The following C12orf42 variants were observed in gnomAD, a reference collection of about 807,000 sequenced individuals.
The protein encoded by C12orf42 is chromosome 12 open reading frame 42.
Under a neutral mutation model 21.6 loss-of-function variants are expected in C12orf42, and 25 were observed. That is an observed-to-expected ratio of 1.16 (90% CI 0.84 to 1.62). The LOEUF is 1.62. Among genes scored for constraint, C12orf42 ranks in the 40% most tolerant of loss-of-function variants. The probability of loss-of-function intolerance (pLI) is 0.00; values close to 1 mark genes in which losing one functional copy is unlikely to be tolerated. For missense variants in C12orf42, 483 were observed against 459.3 expected, an observed-to-expected ratio of 1.05 and a Z score of -0.47; for synonymous variants, 174 against 175.0, an observed-to-expected ratio of 0.99 and a Z score of 0.05.
At chr12:103,532,841 C>T in the C12orf42 span, among the ~76,000 whole-genome samples, 1 of 152,170 alleles carries the variant, frequency 6.6e-6, no homozygotes, top group Non-Finnish European at 1.5e-5. Context: ...GTCAGTCTTG[C>T]CAGCCTCCTC....
At chr12:103,285,189 G>A (rs1367392507) in intron 4 of C12orf42, among the ~76,000 whole-genome samples, 4 of 152,224 alleles carry the variant, frequency 2.6e-5, no homozygotes, top group African/African-American at 7.2e-5. Context: ...TATAAGGATT[G>A]CTCTCTATAT....
the C12orf42 span, chr12:103,559,355 G>A: frequency 6.6e-6 from 1 of 152,414 alleles, no homozygotes; most frequent in Admixed American, 6.5e-5. Flanking sequence ...GACGCCACTG[G>A]AGGAGGACAC....
At chr12:103,049,196 T>A in the C12orf42 span, among the ~76,000 whole-genome samples, 3 of 152,190 alleles carry the variant, frequency 2.0e-5, no homozygotes, top group African/African-American at 7.2e-5. Context: ...AGTCAACATG[T>A]CCACAACAAA....
chr12:103,260,401 C>A (rs1300349481), intron 10 of C12orf42, among the ~76,000 whole-genome samples: 2 of 152,090 alleles, frequency 1.3e-5, no homozygotes, highest in Non-Finnish European at 2.9e-5. Context: ...CAAGGCAAGT[C>A]GACTTGCCCA....
intron 4 of C12orf42, among the ~76,000 whole-genome samples, chr12:103,363,756 T>C (rs1387351869): frequency 6.6e-6 from 1 of 152,070 alleles, no homozygotes; most frequent in Non-Finnish European, 1.5e-5. Flanking sequence ...AGACAGACAT[T>C]ATGTAATAAT....
At chr12:103,340,884 C>T (rs763935455) in intron 4 of C12orf42, among the ~76,000 whole-genome samples, 8 of 151,980 alleles carry the variant, frequency 5.3e-5, no homozygotes, top group Admixed American at 6.6e-5. Flanking sequence ...GAGGCCTAGG[C>T]GGGGGGATCA....
chr12:103,086,009 G>A, the C12orf42 span, among the ~76,000 whole-genome samples: 35 of 152,120 alleles, frequency 2.3e-4, no homozygotes, highest in Non-Finnish European at 7.4e-5. Flanking sequence ...TCAGCACACG[G>A]AGCTCCAATA....
At position 103,302,437 on chromosome 12, in the gene C12orf42, C is replaced by T; in HGVS notation, c.754G>A (p.Ala252Thr). The change falls in exon 6 of 6, where the codon GCA becomes ACA. Residue 252 changes from alanine (A) to threonine (T), a missense_variant. By Grantham distance (58) the Ala-to-Thr change is moderately conservative. Coordinates refer to ENST00000548883, the MANE Select transcript of C12orf42 (RefSeq NM_198521.5). ...LEPEERMAVP[A>T]GAQAHPDDIQ... Reference sequence around the variant, plus strand: ...TCGTCGGGGTGTGCCTGAGCGCCTGCTGGGACTGCCATCCTCTCCTCCGGC... The same window carrying T: ...TCGTCGGGGTGTGCCTGAGCGCCTGTTGGGACTGCCATCCTCTCCTCCGGC... 1 of 1,613,850 alleles carries T rather than the reference C, an allele frequency of 6.2e-7. No individual in the cohort carries two copies.
At chr12:103,061,782 A>G in the C12orf42 span, among the ~76,000 whole-genome samples, 83,200 of 151,526 alleles carry the variant, frequency 0.55, 23,220 homozygotes, top group East Asian at 0.77. Context: ...CTTATAAGGC[A>G]CACACAGTTG....
chr12:103,560,276 A>G, the C12orf42 span, among the ~76,000 whole-genome samples: 2 of 20,954 alleles, frequency 9.5e-5, no homozygotes, highest in Admixed American at 1.2e-3. Context: ...AACAGAACCT[A>G]TTACCTTCAG....
intron 10 of C12orf42, among the ~76,000 whole-genome samples, chr12:103,244,380 T>C (rs969052228): frequency 5.3e-5 from 8 of 151,876 alleles, no homozygotes; most frequent in Non-Finnish European, 1.0e-4. Flanking sequence ...CATGCATAGG[T>C]TGGCTCAGGA....
At position 103,306,031 on chromosome 12, in the gene C12orf42, T is replaced by C. The variant is rs754948537; in HGVS notation, c.574A>G (p.Ile192Val). 10 of 1,613,996 alleles carry C rather than the reference T, an allele frequency of 6.2e-6. No individual in the cohort carries two copies. In the Admixed American group the frequency reaches 1.7e-4, roughly 27 times the overall value. The change falls in exon 5 of 6, where the codon ATC (isoleucine) becomes GTC (valine). Residue 192 changes from isoleucine (I) to valine (V), a missense_variant. By Grantham distance (29) the Ile-to-Val change is conservative. Coordinates refer to ENST00000548883, the MANE Select transcript of C12orf42 (RefSeq NM_198521.5). ...PVHLEAQGIH[I>V]SRHTRPKGQP... is the part of the protein sequence containing the mutation. ...CCCTTAGGTCTTGTGTGTCTACTGA[T>C]GTGTATGCCCTGAGCCTCCAGGTGA...
chr12:103,080,895 G>T, the C12orf42 span: 3 of 152,112 alleles, frequency 2.0e-5, no homozygotes, highest in South Asian at 6.2e-4. Flanking sequence ...TTTCAAATAG[G>T]TCAACAATTT....
the C12orf42 span, among the ~76,000 whole-genome samples, chr12:103,143,522 C>T: frequency 6.6e-6 from 1 of 152,222 alleles, no homozygotes; most frequent in Non-Finnish European, 1.5e-5. Context: ...AACTCCTCTA[C>T]TGTGGGTGTC....
the C12orf42 span, among the ~76,000 whole-genome samples, chr12:103,503,130 A>C: frequency 6.6e-6 from 1 of 152,238 alleles, no homozygotes; most frequent in Non-Finnish European, 1.5e-5. Flanking sequence ...GGACAGCTAA[A>C]GGATTCGACA....
In C12orf42 at chr12:103,420,277, T is replaced by C. The variant is rs545149443; in HGVS notation, c.79-18602A>G. Among the ~76,000 whole-genome samples, 4 of 152,332 alleles carry C rather than the reference T, an allele frequency of 2.6e-5. No individual in the cohort carries two copies. The East Asian group carries it at 7.7e-4, about 29-fold the overall frequency. On this transcript the variant is annotated intron_variant, in intron 2 of 5. Coordinates refer to ENST00000548883, the MANE Select transcript of C12orf42 (RefSeq NM_198521.5). ...TGCAGTACCCCTCTAACTGAACCCTTTGTGCTTACAAAAACAACAATAGAA... is the reference window on the plus strand; with the variant it reads ...TGCAGTACCCCTCTAACTGAACCCTCTGTGCTTACAAAAACAACAATAGAA...
intron 3 of C12orf42, among the ~76,000 whole-genome samples, chr12:103,400,895 C>T (rs557488053): frequency 7.2e-4 from 110 of 152,210 alleles, no homozygotes; most frequent in African/African-American, 2.5e-3. Flanking sequence ...CAATTCCCTT[C>T]ATGGTAAATA....
chr12:103,052,190 TTTG>T, the C12orf42 span, among the ~76,000 whole-genome samples: 1 of 152,190 alleles, frequency 6.6e-6, no homozygotes, highest in African/African-American at 2.4e-5. Context: ...TGTATACATT[TTTG>T]TTGGCTGTGT....
In C12orf42 at chr12:103,357,658, T is replaced by C. The variant is rs1448409514; in HGVS notation, c.259+11229A>G. Reference sequence around the variant, plus strand: ...ATGCTCCACTGATGAGGGAATAACATGGAGTCAGTCTTCACCAAAAACTCC... The same window carrying C: ...ATGCTCCACTGATGAGGGAATAACACGGAGTCAGTCTTCACCAAAAACTCC... On this transcript the variant is annotated intron_variant, in intron 4 of 5. Coordinates refer to ENST00000548883, the MANE Select transcript of C12orf42 (RefSeq NM_198521.5). Among the ~76,000 whole-genome samples the C allele has an allele frequency of 2.0e-5, 3 of 152,086 alleles. No individual in the cohort carries two copies. In the East Asian group the frequency reaches 5.8e-4, roughly 29 times the overall value.
Sources: allele counts gnomAD v4.1 joint callset (sites outside exome capture counted in the v4.1 genomes callset), GRCh38; gene constraint gnomAD v4.1.1; transcripts MANE v1.5; gene names NCBI Gene and HGNC (gene_info 2026-07-23, HGNC 2026-07-21).